Variants in UBE2E3 observed in about 807,000 individuals in gnomAD.
UBE2E3 encodes the protein ubiquitin-conjugating enzyme E2 E3.
Under a neutral mutation model 23.6 loss-of-function variants are expected in UBE2E3, and 5 were observed. That is an observed-to-expected ratio of 0.21 (90% CI 0.11 to 0.44). UBE2E3 has a LOEUF of 0.44. Among genes scored for constraint, UBE2E3 ranks in the 20% least tolerant of loss-of-function variants. UBE2E3 has a pLI of 0.99. For synonymous variants in UBE2E3, 78 were observed against 87.5 expected (o/e 0.89, Z 0.60); for missense variants, 81 against 249.8 (o/e 0.32, Z 4.55).
intron 3 of UBE2E3, among the ~76,000 whole-genome samples, chr2:181,041,657 C>T (rs551009646): frequency 3.8e-4 from 57 of 151,152 alleles, no homozygotes; most frequent in Non-Finnish European, 6.3e-4. Flanking sequence ...AGGCTGGTCT[C>T]GAACTCCTGA....
At chr2:181,047,345 C>T (rs1686700414) in intron 3 of UBE2E3, among the ~76,000 whole-genome samples, 1 of 152,212 alleles carries the variant, frequency 6.6e-6, no homozygotes, top group East Asian at 1.9e-4. Flanking sequence ...GCTCATCCCA[C>T]CTGCAGGACA....
intron 3 of UBE2E3, among the ~76,000 whole-genome samples, chr2:181,029,839 CTTT>C (rs546001645): frequency 4.5e-5 from 6 of 131,930 alleles, no homozygotes; most frequent in Admixed American, 7.5e-5. Flanking sequence ...AATTCGGTCC[CTTT>C]TTTTTTTTTT....
chr2:181,060,855 CGAGT>C, intron 5 of UBE2E3, 43 bp downstream of exon 5: 1 of 413,464 alleles, frequency 2.4e-6, no homozygotes. Context: ...ACTACAAAAA[CGAGT>C]GCTTTTTTTT....
chr2:181,031,871 G>A (rs556315112), intron 3 of UBE2E3, among the ~76,000 whole-genome samples: 1 of 152,174 alleles, frequency 6.6e-6, no homozygotes, highest in Non-Finnish European at 1.5e-5. Flanking sequence ...ATTTTAATCA[G>A]CTCCTTTCCT....
intron 3 of UBE2E3, among the ~76,000 whole-genome samples, chr2:181,025,451 A>T (rs1685854189): frequency 6.6e-6 from 1 of 151,328 alleles, no homozygotes; most frequent in South Asian, 2.1e-4. Flanking sequence ...TTTGTTAGGT[A>T]AGAGAACTTT....
chr2:181,039,274 T>C (rs1686400085), intron 3 of UBE2E3, among the ~76,000 whole-genome samples: 1 of 140,500 alleles, frequency 7.1e-6, no homozygotes, highest in African/African-American at 2.5e-5. Flanking sequence ...TATTTCAAAA[T>C]GGTGAATAAA....
rs1294690184 is a variant in UBE2E3, at chr2:181,060,802, C to T, written c.516C>T (p.Asp172=). 3 of 1,585,982 alleles carry T rather than the reference C, an allele frequency of 1.9e-6. No individual in the cohort carries two copies. The Admixed American group carries it at 5.2e-5, about 28-fold the overall frequency. Residue 172 remains aspartate (D), a synonymous_variant, in exon 5 of 6, where the codon GAC becomes GAT. Transcript: ENST00000410062. ...TGTCTATTTGTTCCCTTTTGACAGA[C>T]TGCAACCCTGGTAAGCAAATCTTTA... is the stretch of plus-strand genomic sequence containing the variant. ...VLLSICSLLT[D]CNPADPLVGS...
chr2:181,049,321 T>C (rs1263780779), intron 3 of UBE2E3, among the ~76,000 whole-genome samples: 1 of 152,078 alleles, frequency 6.6e-6, no homozygotes, highest in Non-Finnish European at 1.5e-5. Context: ...ACACCCACAG[T>C]TTATCCTGGC....
chr2:181,001,275 G>A (rs191745779), intron 3 of UBE2E3, among the ~76,000 whole-genome samples: 258 of 152,294 alleles, frequency 1.7e-3, no homozygotes, highest in African/African-American at 5.6e-3. Context: ...GGTAAAATAT[G>A]TCACTTAATC....
intron 3 of UBE2E3, among the ~76,000 whole-genome samples, chr2:181,043,190 T>G (rs1388936393): frequency 6.6e-6 from 1 of 152,198 alleles, no homozygotes; most frequent in Admixed American, 6.5e-5. Flanking sequence ...ATGCTACGAG[T>G]TAACCTGAAC....
intron 3 of UBE2E3, among the ~76,000 whole-genome samples, chr2:181,005,433 T>C (rs1685122094): frequency 1.3e-5 from 2 of 152,352 alleles, no homozygotes; most frequent in African/African-American, 4.8e-5. Context: ...GGAATGGCAT[T>C]AATTCCATTG....
At chr2:181,003,539 G>A (rs1226499315) in intron 3 of UBE2E3, among the ~76,000 whole-genome samples, 1 of 152,212 alleles carries the variant, frequency 6.6e-6, no homozygotes, top group East Asian at 1.9e-4. Context: ...AAATTAAGAT[G>A]TAGTTAGTTT....
chr2:180,983,918 G>A (rs1046580301), intron 2 of UBE2E3, 125 bp from the exon 3 acceptor site: 3 of 644,618 alleles, frequency 4.7e-6, no homozygotes, highest in East Asian at 2.9e-5. Flanking sequence ...AAGCAGCCAT[G>A]TTAGCATTAC....
At chr2:180,981,111 T>G (rs1684274521) in intron 1 of UBE2E3, 138 bp downstream of exon 1, 1 of 141,894 alleles carries the variant, frequency 7.0e-6, no homozygotes. Context: ...CGGGGCCGGC[T>G]GGGCTGCTCG....
chr2:181,058,232 T>C (rs2105480978), intron 4 of UBE2E3, among the ~76,000 whole-genome samples: 1 of 151,860 alleles, frequency 6.6e-6, no homozygotes, highest in East Asian at 1.9e-4. Flanking sequence ...AATGTGAATT[T>C]TGTGCTGAAT....
At chr2:181,021,618 CTCT>C (rs1685695808) in intron 3 of UBE2E3, among the ~76,000 whole-genome samples, 1 of 28,944 alleles carries the variant, frequency 3.5e-5, no homozygotes, top group Non-Finnish European at 6.9e-5. Flanking sequence ...CTTCCTCCCT[CTCT>C]CCCTCCCTTT....
intron 3 of UBE2E3, among the ~76,000 whole-genome samples, chr2:181,013,224 A>G (rs1018565051): frequency 2.0e-5 from 3 of 152,204 alleles, no homozygotes; most frequent in Admixed American, 2.0e-4. Flanking sequence ...ATCTATTGCT[A>G]CTTAACAAAT....
At chr2:181,049,043 AAAGGGTG>A (rs1686751557) in intron 3 of UBE2E3, among the ~76,000 whole-genome samples, 1 of 152,070 alleles carries the variant, frequency 6.6e-6, no homozygotes, top group Admixed American at 6.6e-5. Context: ...CTAGGAGAAG[AAAGGGTG>A]ATGGGTTGAG....
At chr2:181,021,448 CCTCCCTCT>C (rs1685671866) in intron 3 of UBE2E3, among the ~76,000 whole-genome samples, 1 of 142,510 alleles carries the variant, frequency 7.0e-6, no homozygotes, top group Non-Finnish European at 1.5e-5. Context: ...TTTCTCCCTC[CCTCCCTCT>C]CTCTTTCTTT....
Sources: gnomAD v4.1 joint callset for allele counts (sites outside exome capture counted in the v4.1 genomes callset) on GRCh38, gnomAD v4.1.1 for gene constraint, MANE v1.5 for transcripts, NCBI Gene and HGNC (gene_info 2026-07-23, HGNC 2026-07-21) for gene names.